MACF1: variants seen among roughly 807,000 people sequenced by gnomAD.
MACF1 encodes microtubule-actin cross-linking factor 1.
MACF1 carries 193 observed loss-of-function variants against 854.8 expected under a neutral mutation model. The ratio of observed to expected loss-of-function variants is 0.23; its 90% CI spans 0.20 to 0.25. MACF1 has a LOEUF of 0.25. Among genes scored for constraint, MACF1 ranks in the 10% least tolerant of loss-of-function variants. The probability of loss-of-function intolerance (pLI) is 1.00; values close to 1 mark genes in which losing one functional copy is unlikely to be tolerated. For synonymous variants in MACF1, 3,185 were observed against 3,226.7 expected, an observed-to-expected ratio of 0.99 and a Z score of 0.44; for missense variants, 7,722 against 8,929.1, an observed-to-expected ratio of 0.86 and a Z score of 5.45.
chr1:39,358,985 C>T (rs2148514225), intron 46 of MACF1, 112 bp downstream of exon 46: 2 of 1,432,382 alleles, frequency 1.4e-6, no homozygotes, highest in African/African-American at 2.9e-5. Flanking sequence ...GTTGGGATGC[C>T]TTGGACAAGA....
At chr1:39,166,374 A>T (rs1643881921) in intron 2 of MACF1, among the ~76,000 whole-genome samples, 1 of 151,022 alleles carries the variant, frequency 6.6e-6, no homozygotes, top group African/African-American at 2.4e-5. Context: ...TACTGGCACT[A>T]GATATTTATT....
chr1:39,184,919 A>T (rs1317249413), intron 2 of MACF1, among the ~76,000 whole-genome samples: 1 of 152,194 alleles, frequency 6.6e-6, no homozygotes, highest in Admixed American at 6.5e-5. Flanking sequence ...GTTCATCTGA[A>T]GATGGCCTGG....
rs961782640 is a variant in MACF1 at position 39,251,938 on chromosome 1, TGTA to T, written c.357+2_357+4del. On this transcript the variant is annotated inframe_deletion and splice_region_variant, in exon 4 of 101. Coordinates refer to ENST00000564288, the MANE Select transcript of MACF1 (RefSeq NM_001394062.1). Reference sequence around the variant, plus strand: ...AGCAGGCGGAGGAAGATGATGATGATGTAGTAGGTCCTCCTGGGGATGCCAGCA... The same window carrying T: ...AGCAGGCGGAGGAAGATGATGATGATGTAGGTCCTCCTGGGGATGCCAGCA... 39 of 1,507,588 alleles carry T rather than the reference TGTA, an allele frequency of 2.6e-5. No homozygotes were observed. The highest frequency in any genetic ancestry group is 3.4e-5 in the Non-Finnish European group (39 of 1,132,812). The allele number at this position is 1,507,588 out of a possible 1,614,324, so 93.4% of individuals were successfully genotyped here.
At chr1:39,454,424 A>G (rs1010404816) in intron 88 of MACF1, among the ~76,000 whole-genome samples, 1 of 152,138 alleles carries the variant, frequency 6.6e-6, no homozygotes, top group African/African-American at 2.4e-5. Flanking sequence ...AGGAGGGCTG[A>G]TATTTTATTC....
rs1437284899 is a variant in MACF1, at chr1:39,428,042, TCTC to T, written c.16561_16563del (p.Pro5521del). ...TGGGCAGTCCCTCTCCTCCCTGACA[TCTC>T]CTGCAGAACAGGGTGTGCTGTCAGA... On this transcript the variant is annotated inframe_deletion, in exon 63 of 101. Transcript: ENST00000564288. The T allele has an allele frequency of 1.9e-6, 3 of 1,614,176 alleles. No individual in the cohort carries two copies. Among genetic ancestry groups the T allele is most frequent in the East Asian group, 2.2e-5 (1 of 44,890 alleles).
chr1:39,449,171 TAATC>T (rs903659082), intron 84 of MACF1, among the ~76,000 whole-genome samples: 69 of 152,310 alleles, frequency 4.5e-4, no homozygotes, highest in African/African-American at 1.6e-3. Flanking sequence ...CAGTAGCTGA[TAATC>T]ATTTAATCCT....
intron 6 of MACF1, among the ~76,000 whole-genome samples, chr1:39,258,702 A>G (rs900867209): frequency 2.0e-5 from 3 of 152,186 alleles, no homozygotes; most frequent in Non-Finnish European, 2.9e-5. Context: ...TATTTCTCAG[A>G]CAGCTCTCTC....
chr1:39,255,319 G>C (rs1377416701), intron 5 of MACF1, among the ~76,000 whole-genome samples: 1 of 152,182 alleles, frequency 6.6e-6, no homozygotes, highest in East Asian at 1.9e-4. Flanking sequence ...TCTTTTGAGA[G>C]ACAAGGAGAA....
intron 4 of MACF1, among the ~76,000 whole-genome samples, chr1:39,252,809 G>A (rs1337812319): frequency 6.6e-6 from 1 of 152,180 alleles, no homozygotes; most frequent in Non-Finnish European, 1.5e-5. Flanking sequence ...AAGTTATCCT[G>A]TGCCCAGAGA....
At chr1:39,329,928 TGGGAGGAC>T (rs1197509443) in intron 36 of MACF1, among the ~76,000 whole-genome samples, 1 of 152,214 alleles carries the variant, frequency 6.6e-6, no homozygotes, top group Non-Finnish European at 1.5e-5. Context: ...GGTCTGACTC[TGGGAGGAC>T]AAACAAGATT....
At position 39,317,425 on chromosome 1, in the gene MACF1, C is replaced by T. The variant is rs760560277; in HGVS notation, c.3782+18C>T. ...GAGATTCGGTGAGTGGTGGCCCCAC[C>T]TTTTTCTCCTATTAGAGTTCAGGGA... On this transcript the variant is annotated intron_variant, in intron 29 of 100. Transcript: ENST00000564288. The T allele has an allele frequency of 4.4e-6, 7 of 1,608,842 alleles. No individual in the cohort carries two copies. The South Asian group carries it at 7.7e-5, about 18-fold the overall frequency.
intron 50 of MACF1, among the ~76,000 whole-genome samples, chr1:39,368,761 C>G (rs1475190068): frequency 6.6e-6 from 1 of 152,114 alleles, no homozygotes; most frequent in African/African-American, 2.4e-5. Context: ...CTCCGCCTCC[C>G]AAAGTGCTGG....
In MACF1 at chr1:39,333,761, A is replaced by G; in HGVS notation, c.7173A>G (p.Gly2391=). The change falls in exon 37 of 101, where the codon GGA becomes GGG. Residue 2391 remains glycine, a synonymous_variant. Transcript: ENST00000564288. ...LCSVKDAVTV[G]LLDKETATRI... is the part of the protein sequence containing the mutation. ...CTGTAAAGGATGCAGTTACAGTTGG[A>G]CTTCTTGACAAGGAAACAGCCACCA... 1 of 1,614,216 alleles carries G rather than the reference A, an allele frequency of 6.2e-7. No individual in the cohort carries two copies. Among genetic ancestry groups the G allele is most frequent in the Non-Finnish European group, 8.5e-7 (1 of 1,180,032 alleles).
intron 2 of MACF1, among the ~76,000 whole-genome samples, chr1:39,172,229 G>A (rs1416254277): frequency 6.6e-6 from 1 of 152,182 alleles, no homozygotes; most frequent in African/African-American, 2.4e-5. Context: ...GTTATCCAGG[G>A]AGTGGCAGGG....
intron 2 of MACF1, among the ~76,000 whole-genome samples, chr1:39,173,351 A>AAAAAAAAAAAAAAAAAAG: frequency 7.9e-6 from 1 of 126,236 alleles, no homozygotes; most frequent in Non-Finnish European, 1.6e-5. Context: ...AAAAAAAAAA[A>AAAAAAAAAAAAAAAAAAG]AAAGAAAGAA....
chr1:39,368,307 A>G lies in MACF1; in HGVS notation c.12931A>G (p.Lys4311Glu), dbSNP rs1569742501. 4 of 1,612,954 alleles carry G rather than the reference A, an allele frequency of 2.5e-6. No homozygotes were observed. In the East Asian group the frequency reaches 8.9e-5, roughly 36 times the overall value. ...CTTCACAGAGCTACAGAAGACAGTT[A>G]AAGAGAGGTGAGTTATCACTTGTGT... is the stretch of plus-strand genomic sequence containing the variant. ...KDFTELQKTV[K>E]EREKDASSCQ... Residue 4311 changes from lysine to glutamate, a missense_variant, in exon 50 of 101, where the codon AAA (lysine) becomes GAA (glutamate). Physicochemically the swap from Lys to Glu is moderately conservative, Grantham distance 56 (BLOSUM62 1). Transcript: ENST00000564288.
intron 2 of MACF1, among the ~76,000 whole-genome samples, chr1:39,191,602 G>A (rs1161804048): frequency 6.6e-6 from 1 of 152,186 alleles, no homozygotes; most frequent in African/African-American, 2.4e-5. Context: ...TCTGAGATTG[G>A]GCTTTTCATC....
intron 35 of MACF1, among the ~76,000 whole-genome samples, chr1:39,325,889 A>G (rs1386251281): frequency 6.6e-6 from 1 of 152,216 alleles, no homozygotes. Flanking sequence ...GAGGATTGTC[A>G]GGAAGTATTG....
At chr1:39,104,264 A>G (rs1642163832) in intron 2 of MACF1, among the ~76,000 whole-genome samples, 1 of 152,216 alleles carries the variant, frequency 6.6e-6, no homozygotes. Context: ...TTCACTGCTC[A>G]TGGCTCCAGC....
Sources: gnomAD v4.1 joint callset for allele counts (sites outside exome capture counted in the v4.1 genomes callset) on GRCh38, gnomAD v4.1.1 for gene constraint, MANE v1.5 for transcripts, NCBI Gene and HGNC (gene_info 2026-07-23, HGNC 2026-07-21) for gene names.